ATP8A2: variants seen among roughly 807,000 people sequenced by gnomAD.
ATP8A2 encodes phospholipid-transporting ATPase IB.
ATP8A2 carries 100 observed loss-of-function variants against 165.6 expected under a neutral mutation model. The observed-to-expected ratio is 0.60, with a 90% CI of 0.51 to 0.71. ATP8A2 has a LOEUF of 0.71. Ranked by LOEUF, ATP8A2 falls within the 30% of genes least tolerant of loss-of-function variation. The pLI, the probability that ATP8A2 is intolerant of heterozygous loss-of-function variation, is 0.00. For missense variants in ATP8A2, 1,227 were observed against 1,479.5 expected, an observed-to-expected ratio of 0.83 and a Z score of 2.80; for synonymous variants, 543 against 548.8, an observed-to-expected ratio of 0.99 and a Z score of 0.15.
intron 2 of ATP8A2, among the ~76,000 whole-genome samples, chr13:25,528,781 T>C (rs2037926714): frequency 3.6e-5 from 3 of 82,590 alleles, no homozygotes; most frequent in South Asian, 3.8e-4. Flanking sequence ...TATGCACACA[T>C]ATGCAACATG....
At position 25,711,965 on chromosome 13, in the gene ATP8A2, C is replaced by T. The variant is rs1296073444; in HGVS notation, c.2384+12620C>T. Among the ~76,000 whole-genome samples, 5 of 152,090 alleles carry T rather than the reference C, an allele frequency of 3.3e-5. No individual in the cohort carries two copies. In the East Asian group the frequency reaches 5.8e-4, roughly 18 times the overall value. On this transcript the variant is annotated intron_variant, in intron 25 of 36. Transcript: ENST00000381655. ...AGCTGCTGGGTGTTCACTTCTGGTGCAGGTAGGATTCTGCCAAGCCCATAT... is the reference window on the plus strand; with the variant it reads ...AGCTGCTGGGTGTTCACTTCTGGTGTAGGTAGGATTCTGCCAAGCCCATAT...
rs552201105 is a variant in ATP8A2, at chr13:25,889,483, A to G, written c.3183+27075A>G. 1.8e-4 allele frequency among the ~76,000 whole-genome samples: 28 copies of G among 152,170 alleles called. 1 individual carries two copies. In the South Asian group the frequency reaches 5.2e-3, roughly 28 times the overall value. ...GTGGTTTGGTCATAACCCTATTCACACTTGCTTGAGGCCCATTGGTGGATT... is the reference window on the plus strand; with the variant it reads ...GTGGTTTGGTCATAACCCTATTCACGCTTGCTTGAGGCCCATTGGTGGATT... On this transcript the variant is annotated intron_variant, in intron 33 of 36. Transcript: ENST00000381655.
chr13:25,602,793 C>T (rs1302448276), intron 24 of ATP8A2, among the ~76,000 whole-genome samples: 2 of 152,158 alleles, frequency 1.3e-5, no homozygotes, highest in Admixed American at 6.5e-5. Flanking sequence ...ATATCTGGGC[C>T]AGGCACAGTG....
intron 33 of ATP8A2, among the ~76,000 whole-genome samples, chr13:25,942,633 A>G (rs892472135): frequency 7.2e-5 from 11 of 152,328 alleles, no homozygotes; most frequent in Middle Eastern, 6.8e-3. Flanking sequence ...CATGTTGGCC[A>G]GGCTGGTCTC....
At chr13:25,590,286 G>A (rs111486747) in intron 24 of ATP8A2, among the ~76,000 whole-genome samples, 1,773 of 152,214 alleles carry the variant, frequency 0.012, 36 homozygotes, top group African/African-American at 0.04. Context: ...TTGGCCAGCC[G>A]TGGTGGCATA....
intron 24 of ATP8A2, among the ~76,000 whole-genome samples, chr13:25,627,420 C>CCA (rs1197495856): frequency 6.6e-6 from 1 of 152,012 alleles, no homozygotes; most frequent in East Asian, 1.9e-4. Context: ...AAGCGCTGAC[C>CCA]CCCAGTGTGG....
At chr13:25,649,899 G>T (rs536683721) in intron 24 of ATP8A2, among the ~76,000 whole-genome samples, 1 of 151,556 alleles carries the variant, frequency 6.6e-6, no homozygotes, top group South Asian at 2.1e-4. Flanking sequence ...TTGCTGCCAG[G>T]TACACAAAGC....
chr13:25,792,364 A>C (rs1211941762), intron 27 of ATP8A2, among the ~76,000 whole-genome samples: 1 of 152,180 alleles, frequency 6.6e-6, no homozygotes, highest in Non-Finnish European at 1.5e-5. Context: ...AACAGAAAAC[A>C]CTTTCTGCAG....
At chr13:25,398,633 T>G (rs183643280) in intron 1 of ATP8A2, among the ~76,000 whole-genome samples, 168 of 152,352 alleles carry the variant, frequency 1.1e-3, no homozygotes, top group African/African-American at 4.0e-3. Context: ...TAATAAACAT[T>G]GTTGACTACA....
At chr13:25,625,602 T>G (rs1248670749) in intron 24 of ATP8A2, among the ~76,000 whole-genome samples, 1 of 152,232 alleles carries the variant, frequency 6.6e-6, no homozygotes, top group East Asian at 1.9e-4. Context: ...TTACAGCGTT[T>G]GCCACTGCAG....
At chr13:25,582,736 C>G (rs1322790388) in intron 23 of ATP8A2, among the ~76,000 whole-genome samples, 1 of 152,194 alleles carries the variant, frequency 6.6e-6, no homozygotes, top group Non-Finnish European at 1.5e-5. Flanking sequence ...CTATAGTCCT[C>G]TTCAGAGTAG....
chr13:26,012,430 G>T, intron 35 of ATP8A2, 101 bp from the exon 36 acceptor site: 2 of 897,466 alleles, frequency 2.2e-6, no homozygotes, highest in Non-Finnish European at 3.4e-6. Context: ...ACCCGACGTG[G>T]GGAGGTGATC....
chr13:25,972,648 C>G lies in ATP8A2; in HGVS notation c.3377+3969C>G, dbSNP rs139047279. ...CCGCACCGCACATGAAATAGTCTACCCTGCATGTCGTTATTTTGAGTGTCT... is the reference window on the plus strand; with the variant it reads ...CCGCACCGCACATGAAATAGTCTACGCTGCATGTCGTTATTTTGAGTGTCT... On this transcript the variant is annotated intron_variant, in intron 35 of 36. Transcript: ENST00000381655. Among the ~76,000 whole-genome samples the G allele has an allele frequency of 6.4e-3, 978 of 152,206 alleles. 5 individuals carry two copies. Among genetic ancestry groups the G allele is most frequent in the Middle Eastern group, 0.027 (8 of 294 alleles).
chr13:25,532,221 A>T (rs757139694), intron 4 of ATP8A2, 51 bp from the exon 5 acceptor site: 2 of 1,412,476 alleles, frequency 1.4e-6, no homozygotes, highest in South Asian at 1.2e-5. Flanking sequence ...TATTTCAATT[A>T]TTCATGTGGA....
intron 8 of ATP8A2, among the ~76,000 whole-genome samples, chr13:25,541,002 C>T (rs2038458705): frequency 6.6e-6 from 1 of 151,820 alleles, no homozygotes; most frequent in African/African-American, 2.4e-5. Flanking sequence ...GCTGGGACTA[C>T]AGGTGCATGC....
chr13:25,570,034 C>A (rs1041497510), intron 16 of ATP8A2, among the ~76,000 whole-genome samples: 3 of 152,072 alleles, frequency 2.0e-5, no homozygotes, highest in Non-Finnish European at 2.9e-5. Flanking sequence ...TGAATGTGCT[C>A]TAATCCCAAT....
chr13:25,454,138 CAG>C (rs1179962226), intron 1 of ATP8A2, among the ~76,000 whole-genome samples: 1 of 152,116 alleles, frequency 6.6e-6, no homozygotes, highest in Admixed American at 6.5e-5. Flanking sequence ...GCATGTCACT[CAG>C]GGGCGAACTG....
At chr13:25,885,478 C>T (rs1301259139) in intron 33 of ATP8A2, among the ~76,000 whole-genome samples, 1 of 151,996 alleles carries the variant, frequency 6.6e-6, no homozygotes, top group Non-Finnish European at 1.5e-5. Flanking sequence ...TTTGGGGTGG[C>T]TGGCATGCTT....
At chr13:25,427,641 A>G (rs1305328726) in intron 1 of ATP8A2, among the ~76,000 whole-genome samples, 1 of 152,184 alleles carries the variant, frequency 6.6e-6, no homozygotes, top group African/African-American at 2.4e-5. Flanking sequence ...CATGCCTGTA[A>G]TCCCAGCACT....
Sources: gnomAD v4.1 joint callset for allele counts (sites outside exome capture counted in the v4.1 genomes callset) on GRCh38, gnomAD v4.1.1 for gene constraint, MANE v1.5 for transcripts, NCBI Gene and HGNC (gene_info 2026-07-23, HGNC 2026-07-21) for gene names.